GDE1: variants seen among roughly 807,000 people sequenced by gnomAD.
GDE1 encodes RGS16-interacting membrane protein.
In GDE1, 24 loss-of-function variants were observed where a neutral mutation model predicts 32.2. The observed-to-expected ratio is 0.75, with a 90% confidence interval of 0.54 to 1.05. GDE1 has a LOEUF of 1.05. Ranked by LOEUF, GDE1 falls within the 50% of genes least tolerant of loss-of-function variation. GDE1 has a pLI of 0.00. For synonymous variants in GDE1, 159 were observed against 158.6 expected (o/e 1.00, Z -0.02); for missense variants, 380 against 415.0 (o/e 0.92, Z 0.73).
In GDE1 at chr16:19,521,555, C is replaced by T. The variant is rs934041130; in HGVS notation, c.261+149G>A. 1.0e-5 allele frequency: 8 copies of T among 795,004 alleles called. No individual in the cohort carries two copies. The South Asian group carries it at 1.4e-4, about 14-fold the overall frequency. 49.2% of individuals were successfully genotyped at this position (795,004 alleles called of 1,614,324 possible). A position where few individuals can be genotyped will look rare whatever the true frequency, so the allele number is the denominator to read the frequency against. ...AACCTCAAGTCCGGAGATCCCTAGA[C>T]ACTGGGAGCGATCAAGGGCCGGGAG... On this transcript the variant is annotated intron_variant, in intron 1 of 5. Transcript: ENST00000353258.
Position 19,501,755 on chromosome 16 carries a change from G to A in GDE1, c.*1715C>T, listed in dbSNP as rs1418839788. ...AATTCAAGACAATTTTTTTGCAAATGCTGATTCAAAACGTACCAATCCCCA... is the reference window on the plus strand; with the variant it reads ...AATTCAAGACAATTTTTTTGCAAATACTGATTCAAAACGTACCAATCCCCA... On this transcript the variant is annotated 3_prime_UTR_variant, in exon 6 of 6. Coordinates refer to ENST00000353258, the MANE Select transcript of GDE1 (RefSeq NM_016641.4). The A allele has an allele frequency of 2.0e-5, 3 of 152,080 alleles. No homozygotes were observed. Among genetic ancestry groups the A allele is most frequent in the Non-Finnish European group, 4.4e-5 (3 of 68,012 alleles). 9.4% of individuals were successfully genotyped at this position (152,080 alleles called of 1,614,324 possible).
chr16:19,503,920 C>T, intron 5 of GDE1: 1 of 288,222 alleles, frequency 3.5e-6, no homozygotes, highest in Admixed American at 4.8e-5. Context: ...CTTCATCTCA[C>T]ACCACATTCC....
chr16:19,521,847 C>G lies in GDE1; in HGVS notation c.118G>C (p.Val40Leu), dbSNP rs768093000. 6.2e-7 allele frequency: 1 copy of G among 1,609,376 alleles called. No individual in the cohort carries two copies. Among genetic ancestry groups the G allele is most frequent in the Admixed American group, 1.7e-5 (1 of 59,322 alleles). The change falls in exon 1 of 6, where the codon GTT (valine) becomes CTT (leucine). Residue 40 changes from valine to leucine, a missense_variant. By Grantham distance (32) the Val-to-Leu change is conservative. Transcript: ENST00000353258. ...NACLLTGSLF[V>L]LLRVFSFEPV... ...TCAAAGCTGAAGACGCGCAGTAGAA[C>G]GAAGAGGCTGCCGGTGAGGAGGCAG...
At chr16:19,503,778 G>C in intron 5 of GDE1, 161 bp from the exon 6 acceptor site, 2 of 596,978 alleles carry the variant, frequency 3.4e-6, no homozygotes, top group East Asian at 5.6e-5. Flanking sequence ...CCAAAACCCA[G>C]GATGCCATGA....
chr16:19,510,433 A>G (rs1969302995), intron 3 of GDE1, among the ~76,000 whole-genome samples: 1 of 152,182 alleles, frequency 6.6e-6, no homozygotes, highest in African/African-American at 2.4e-5. Context: ...ATAGTTGTCC[A>G]TATAAGGCCC....
intron 3 of GDE1, among the ~76,000 whole-genome samples, chr16:19,508,100 A>G (rs1969271330): frequency 6.6e-6 from 1 of 152,186 alleles, no homozygotes; most frequent in Non-Finnish European, 1.5e-5. Flanking sequence ...CTTATACCCT[A>G]GTTTAGCCAC....
intron 5 of GDE1, chr16:19,504,047 T>C (rs1461934332): frequency 6.4e-6 from 1 of 156,190 alleles, no homozygotes. Context: ...TATTTTTCTC[T>C]CTGATCTGGA....
In GDE1 at chr16:19,521,716, C is replaced by A. The variant is rs910792468; in HGVS notation, c.249G>T (p.Ala83=). 1 of 1,611,744 alleles carries A rather than the reference C, an allele frequency of 6.2e-7. No individual in the cohort carries two copies. The highest frequency in any genetic ancestry group is 8.5e-7 in the Non-Finnish European group (1 of 1,179,434). ...GSHDAPENTL[A]AIRQAAKNGA... ...GTGGGGGTCTCACCTGCCGAATGGC[C>A]GCCAGCGTGTTCTCGGGCGCGTCGT... Residue 83 remains alanine (A), a synonymous_variant, in exon 1 of 6, where the codon GCG becomes GCT. Coordinates refer to ENST00000353258, the MANE Select transcript of GDE1 (RefSeq NM_016641.4).
rs1969225507 is a variant in GDE1, at chr16:19,504,899, TG to T, written c.829del (p.Gln277LysfsTer10). 1 of 1,611,242 alleles carries T rather than the reference TG, an allele frequency of 6.2e-7. No individual in the cohort carries two copies. Among genetic ancestry groups the T allele is most frequent in the African/African-American group, 1.3e-5 (1 of 74,830 alleles). On this transcript the variant is annotated frameshift_variant, in exon 5 of 6. Coordinates refer to ENST00000353258, the MANE Select transcript of GDE1 (RefSeq NM_016641.4). LOFTEE classifies it high-confidence loss of function. Reference sequence around the variant, plus strand: ...AACTTACGGGGATACAAAATCCTTTTGCATGAGGAAAGCTGAAATTCCACAC... The same window carrying T: ...AACTTACGGGGATACAAAATCCTTTTCATGAGGAAAGCTGAAATTCCACAC... ...YLCGISAFLM[Q>X]KDFVSPAYLK...
At chr16:19,503,798 A>G (rs372649061) in intron 5 of GDE1, 181 bp from the exon 6 acceptor site, 2 of 552,306 alleles carry the variant, frequency 3.6e-6, no homozygotes, top group African/African-American at 3.7e-5. Context: ...AACCTCCTCT[A>G]CACTGTCCCA....
intron 2 of GDE1, among the ~76,000 whole-genome samples, chr16:19,513,080 G>A (rs1283855980): frequency 6.6e-6 from 1 of 151,818 alleles, no homozygotes; most frequent in Non-Finnish European, 1.5e-5. Context: ...TATTGCTTTA[G>A]CTATTTGGGC....
rs1447730175 is a variant in GDE1 at position 19,502,381 on chromosome 16, T to G, written c.*1089A>C. Reference sequence around the variant, plus strand: ...TCTAGAAGTTCTAGTTATCTTTTTTTTTTTTTTTTTTTTTTTTTTTTTAAG... The same window carrying G: ...TCTAGAAGTTCTAGTTATCTTTTTTGTTTTTTTTTTTTTTTTTTTTTTAAG... On this transcript the variant is annotated 3_prime_UTR_variant, in exon 6 of 6. Transcript: ENST00000353258. 1.9e-5 allele frequency: 2 copies of G among 102,994 alleles called. No homozygotes were observed. The highest frequency in any genetic ancestry group is 2.0e-5 in the Non-Finnish European group (1 of 50,590). 6.4% of individuals were successfully genotyped at this position (102,994 alleles called of 1,614,324 possible).
intron 2 of GDE1, among the ~76,000 whole-genome samples, chr16:19,511,816 T>C (rs73544129): frequency 0.023 from 3,531 of 152,218 alleles, 153 homozygotes; most frequent in African/African-American, 0.08. Flanking sequence ...CATGTAATAT[T>C]TGCCTTTCTG....
At chr16:19,513,718 A>T (rs1052612821) in intron 2 of GDE1, among the ~76,000 whole-genome samples, 8 of 152,210 alleles carry the variant, frequency 5.3e-5, no homozygotes, top group African/African-American at 1.9e-4. Flanking sequence ...AGTTTGCTGT[A>T]CTTGGAACTG....
At chr16:19,506,618 C>G (rs191679666) in intron 4 of GDE1, among the ~76,000 whole-genome samples, 4 of 152,022 alleles carry the variant, frequency 2.6e-5, no homozygotes, top group African/African-American at 9.7e-5. Flanking sequence ...TACCACTGGG[C>G]GACAGAGCAA....
intron 4 of GDE1, among the ~76,000 whole-genome samples, chr16:19,506,303 A>C (rs1421055323): frequency 6.6e-6 from 1 of 150,470 alleles, no homozygotes; most frequent in East Asian, 2.0e-4. Flanking sequence ...GACCCCCCCC[A>C]AAACAAACAA....
At chr16:19,514,984 T>G (rs1296358253) in intron 2 of GDE1, among the ~76,000 whole-genome samples, 6 of 146,838 alleles carry the variant, frequency 4.1e-5, no homozygotes, top group Non-Finnish European at 8.9e-5. Context: ...GAGAATCACT[T>G]GAACCCGGGA....
chr16:19,515,264 T>C (rs868852536), intron 2 of GDE1, among the ~76,000 whole-genome samples: 1 of 152,136 alleles, frequency 6.6e-6, no homozygotes. Flanking sequence ...AGAGAAAATA[T>C]CTATTTTTTC....
chr16:19,503,864 C>T (rs1969211119), intron 5 of GDE1: 1 of 396,864 alleles, frequency 2.5e-6, no homozygotes, highest in South Asian at 6.8e-5. Context: ...GTCCTTGGCA[C>T]AGCCACTGAA....
Sources: allele counts gnomAD v4.1 joint callset (sites outside exome capture counted in the v4.1 genomes callset), GRCh38; gene constraint gnomAD v4.1.1; transcripts MANE v1.5; gene names NCBI Gene and HGNC (gene_info 2026-07-23, HGNC 2026-07-21).